Variants in CSMD1 observed in about 807,000 individuals in gnomAD.
CSMD1 encodes CUB and Sushi multiple domains 1.
In CSMD1, 213 loss-of-function variants were observed where a neutral mutation model predicts 417.5. That is an observed-to-expected ratio of 0.51 (90% CI 0.46 to 0.57). The LOEUF is 0.57. CSMD1 is among the 20% of genes least tolerant of loss of function. The pLI, the probability that CSMD1 is intolerant of heterozygous loss-of-function variation, is 0.00. For synonymous variants in CSMD1, 2,862 were observed against 1,736.8 expected (o/e 1.65, Z -16.11); for missense variants, 6,923 against 4,529.7 (o/e 1.53, Z -15.17).
chr8:4,323,575 A>C (rs767700151), intron 3 of CSMD1, among the ~76,000 whole-genome samples: 2 of 152,158 alleles, frequency 1.3e-5, no homozygotes, highest in African/African-American at 2.4e-5. Context: ...TCTGCTTTCC[A>C]AGGTGTTTGA....
intron 3 of CSMD1, among the ~76,000 whole-genome samples, chr8:4,150,825 G>T (rs190098639): frequency 1.8e-4 from 28 of 152,126 alleles, no homozygotes; most frequent in African/African-American, 6.8e-4. Flanking sequence ...AGAAGACAGG[G>T]AGGGACAGAA....
At chr8:4,113,523 G>C (rs751029085) in intron 3 of CSMD1, among the ~76,000 whole-genome samples, 4 of 149,198 alleles carry the variant, frequency 2.7e-5, no homozygotes, top group Admixed American at 6.8e-5. Flanking sequence ...TCCTGCCTCT[G>C]CCTCCTGAGT....
chr8:3,786,411 T>C (rs1799459781), intron 5 of CSMD1, among the ~76,000 whole-genome samples: 1 of 152,020 alleles, frequency 6.6e-6, no homozygotes, highest in Non-Finnish European at 1.5e-5. Context: ...AACAAGAGTT[T>C]GGGGGACCAC....
At chr8:3,834,902 GT>G (rs1173176403) in intron 5 of CSMD1, among the ~76,000 whole-genome samples, 202 of 152,116 alleles carry the variant, frequency 1.3e-3, no homozygotes, top group African/African-American at 4.7e-3. Context: ...CAAAAAGTGG[GT>G]GAAGGACATG....
chr8:4,192,205 A>T (rs933140609), intron 3 of CSMD1, among the ~76,000 whole-genome samples: 2 of 152,192 alleles, frequency 1.3e-5, no homozygotes, highest in African/African-American at 2.4e-5. Flanking sequence ...ATCAAAGTTA[A>T]AACAGCAAAG....
intron 8 of CSMD1, among the ~76,000 whole-genome samples, chr8:3,594,285 A>G (rs1432069187): frequency 2.0e-5 from 3 of 152,194 alleles, no homozygotes; most frequent in African/African-American, 2.4e-5. Flanking sequence ...CTTGGTCAAT[A>G]TATTAAATCT....
At chr8:4,075,412 A>G (rs549564678) in intron 3 of CSMD1, among the ~76,000 whole-genome samples, 9 of 152,328 alleles carry the variant, frequency 5.9e-5, no homozygotes, top group African/African-American at 2.2e-4. Flanking sequence ...TATTTTTAAT[A>G]TCAAAATAAA....
At chr8:4,925,391 G>T (rs1421096683) in intron 1 of CSMD1, among the ~76,000 whole-genome samples, 2 of 151,284 alleles carry the variant, frequency 1.3e-5, no homozygotes, top group African/African-American at 2.4e-5. Flanking sequence ...TTAAATACAT[G>T]GCATTTTGTA....
intron 3 of CSMD1, among the ~76,000 whole-genome samples, chr8:4,120,157 C>G (rs1563148973): frequency 6.6e-6 from 1 of 152,120 alleles, no homozygotes; most frequent in Non-Finnish European, 1.5e-5. Flanking sequence ...ATCAAAACAT[C>G]TCACGTACCC....
At chr8:3,166,511 G>C (rs1468141646) in intron 37 of CSMD1, among the ~76,000 whole-genome samples, 1 of 152,092 alleles carries the variant, frequency 6.6e-6, no homozygotes, top group African/African-American at 2.4e-5. Context: ...TCCAGCCTGG[G>C]CAACAGAGCG....
intron 2 of CSMD1, among the ~76,000 whole-genome samples, chr8:4,421,428 C>G (rs371399713): frequency 6.6e-6 from 1 of 151,984 alleles, no homozygotes; most frequent in African/African-American, 2.4e-5. Flanking sequence ...AAACCATATT[C>G]GAGGCCATAA....
intron 12 of CSMD1, among the ~76,000 whole-genome samples, chr8:3,440,683 T>C (rs1814917610): frequency 6.6e-6 from 1 of 152,232 alleles, no homozygotes; most frequent in Non-Finnish European, 1.5e-5. Context: ...TCCAGCACTA[T>C]ACTGAATGGG....
intron 11 of CSMD1, among the ~76,000 whole-genome samples, chr8:3,482,043 G>A (rs1033480660): frequency 6.6e-6 from 1 of 151,976 alleles, no homozygotes; most frequent in African/African-American, 2.4e-5. Context: ...AGAAATACAT[G>A]AAATATACCA....
In CSMD1 at chr8:4,427,260, G is replaced by C. The variant is rs547578556; in HGVS notation, c.303-7195C>G. Among the ~76,000 whole-genome samples, 111 of 152,294 alleles carry C rather than the reference G, an allele frequency of 7.3e-4. 1 individual carries two copies. The highest frequency in any genetic ancestry group is 1.4e-3 in the Non-Finnish European group (95 of 68,022). Reference sequence around the variant, plus strand: ...GCCCTGAATGGTCCTCAGTCCAAGAGATCACTTGAGTTATGTGGCCTTGGT... The same window carrying C: ...GCCCTGAATGGTCCTCAGTCCAAGACATCACTTGAGTTATGTGGCCTTGGT... On this transcript the variant is annotated intron_variant, in intron 2 of 69. Coordinates refer to ENST00000635120, the MANE Select transcript of CSMD1 (RefSeq NM_033225.6).
intron 1 of CSMD1, among the ~76,000 whole-genome samples, chr8:4,820,272 C>G (rs1311785091): frequency 6.6e-6 from 1 of 152,196 alleles, no homozygotes; most frequent in Non-Finnish European, 1.5e-5. Flanking sequence ...ACACTACAGA[C>G]TGCCAGGAAC....
At chr8:4,123,015 C>A (rs7836808) in intron 3 of CSMD1, among the ~76,000 whole-genome samples, 1 of 152,344 alleles carries the variant, frequency 6.6e-6, no homozygotes, top group East Asian at 1.9e-4. Context: ...CCAGCTTTGA[C>A]AAATTACAAT....
At chr8:4,616,804 A>C (rs988084495) in intron 2 of CSMD1, among the ~76,000 whole-genome samples, 10 of 152,208 alleles carry the variant, frequency 6.6e-5, no homozygotes, top group Admixed American at 4.6e-4. Context: ...CAGAGGAAAA[A>C]ACTAAAGACA....
At chr8:3,029,195 T>G in intron 51 of CSMD1, 124 bp downstream of exon 51, 1 of 653,764 alleles carries the variant, frequency 1.5e-6, no homozygotes, top group Non-Finnish European at 2.4e-6. Context: ...ACAGGCCATT[T>G]GTTCTTTTGA....
intron 1 of CSMD1, among the ~76,000 whole-genome samples, chr8:4,858,287 G>C (rs1271872706): frequency 1.6e-4 from 24 of 151,642 alleles, no homozygotes; most frequent in Non-Finnish European, 2.8e-4. Flanking sequence ...AGCTATCTAT[G>C]ACAAACCCAC....
Sources: allele counts gnomAD v4.1 joint callset (sites outside exome capture counted in the v4.1 genomes callset), GRCh38; gene constraint gnomAD v4.1.1; transcripts MANE v1.5; gene names NCBI Gene and HGNC (gene_info 2026-07-23, HGNC 2026-07-21).